The following PDE4D variants were observed in gnomAD, a reference collection of about 807,000 sequenced individuals.
PDE4D encodes the protein phosphodiesterase 4D.
A neutral mutation model predicts 87.4 loss-of-function variants in PDE4D; 24 were observed. That is an observed-to-expected ratio of 0.27 (90% CI 0.20 to 0.39). The LOEUF (loss-of-function observed/expected upper bound fraction) is 0.39, where lower values mean the gene tolerates loss of function less well. PDE4D is among the 10% of genes least tolerant of loss of function. The pLI is 1.00. For synonymous variants in PDE4D, 384 were observed against 383.2 expected (o/e 1.00, Z -0.02); for missense variants, 714 against 1,041.0 (o/e 0.69, Z 4.32).
At chr5:60,273,698 A>G in intron 1 of PDE4D, among the ~76,000 whole-genome samples, 1 of 152,208 alleles carries the variant, frequency 6.6e-6, no homozygotes, top group East Asian at 1.9e-4. Flanking sequence ...CCTAACAACA[A>G]GTTCCATTTG....
intron 1 of PDE4D, among the ~76,000 whole-genome samples, chr5:59,440,974 C>G (rs59152084): frequency 6.6e-6 from 1 of 151,830 alleles, no homozygotes; most frequent in African/African-American, 2.4e-5. Context: ...ATTTAAATAT[C>G]GAAAATTTAA....
At chr5:60,308,457 T>C (rs1174782304) in intron 1 of PDE4D, among the ~76,000 whole-genome samples, 1 of 152,228 alleles carries the variant, frequency 6.6e-6, no homozygotes, top group East Asian at 1.9e-4. Context: ...CTAACGTTGC[T>C]GTAGACATTT....
intron 2 of PDE4D, among the ~76,000 whole-genome samples, chr5:60,177,827 G>A (rs1287909577): frequency 2.0e-5 from 3 of 152,072 alleles, no homozygotes; most frequent in Admixed American, 6.6e-5. Flanking sequence ...GTCATGTAAC[G>A]GTAAGAATTT....
At chr5:59,149,706 G>GTTTTT (rs76421367) in intron 5 of PDE4D, among the ~76,000 whole-genome samples, 1,294 of 69,240 alleles carry the variant, frequency 0.019, 223 homozygotes, top group African/African-American at 0.057. Flanking sequence ...CTCTCCTCGA[G>GTTTTT]TTTTTTTTTT....
chr5:59,001,552 T>C (rs1434616058), intron 6 of PDE4D, among the ~76,000 whole-genome samples: 1 of 152,222 alleles, frequency 6.6e-6, no homozygotes, highest in Non-Finnish European at 1.5e-5. Context: ...AGAGGAATAC[T>C]AAGGTCCTCC....
chr5:59,473,082 T>TAAAAAAAAA (rs1802709349), intron 1 of PDE4D, among the ~76,000 whole-genome samples: 1 of 62,546 alleles, frequency 1.6e-5, no homozygotes, highest in Non-Finnish European at 2.7e-5. Context: ...TGCTTTCTCA[T>TAAAAAAAAA]GAAAAAAAAA....
At chr5:60,173,476 A>C (rs559653582) in intron 2 of PDE4D, among the ~76,000 whole-genome samples, 69 of 152,230 alleles carry the variant, frequency 4.5e-4, no homozygotes, top group Non-Finnish European at 8.5e-4. Flanking sequence ...TATAATAAAT[A>C]ATCTAACATT....
rs543798050 is a variant in PDE4D at position 60,284,879 on chromosome 5, T to C, written c.-89-99192A>G. Among the ~76,000 whole-genome samples, 3 of 143,830 alleles carry C rather than the reference T, an allele frequency of 2.1e-5. No homozygotes were observed. The South Asian group carries it at 6.5e-4, about 31-fold the overall frequency. 94.4% of individuals were successfully genotyped at this position (143,830 alleles called of 152,430 possible). A position where few individuals can be genotyped will look rare whatever the true frequency, so the allele number is the denominator to read the frequency against. ...ATAAATGGCAACACTTAAATGCACATAGTTGGCTACTCTTTTGATGTAGAG... is the reference window on the plus strand; with the variant it reads ...ATAAATGGCAACACTTAAATGCACACAGTTGGCTACTCTTTTGATGTAGAG... On this transcript the variant is annotated intron_variant, in intron 1 of 16. Coordinates refer to the PDE4D transcript ENST00000502484.
intron 1 of PDE4D, among the ~76,000 whole-genome samples, chr5:60,346,668 G>A (rs1271285699): frequency 6.6e-6 from 1 of 152,066 alleles, no homozygotes. Context: ...GCCACTAATT[G>A]TGGGGTCTGA....
intron 6 of PDE4D, among the ~76,000 whole-genome samples, chr5:59,029,416 C>CAAAAA (rs34120574): frequency 3.6e-4 from 31 of 86,808 alleles, no homozygotes; most frequent in African/African-American, 4.8e-4. Context: ...GACTCCATCA[C>CAAAAA]AAAAAAAAAA....
intron 1 of PDE4D, among the ~76,000 whole-genome samples, chr5:60,469,149 G>A (rs59313902): frequency 0.13 from 20,423 of 152,064 alleles, 2,657 homozygotes; most frequent in African/African-American, 0.33. Context: ...CCAAGCCAAT[G>A]AACCATTCTC....
chr5:59,496,169 T>G (rs1487146847), intron 1 of PDE4D, among the ~76,000 whole-genome samples: 2 of 152,110 alleles, frequency 1.3e-5, no homozygotes, highest in Non-Finnish European at 2.9e-5. Context: ...CTCCTATGAC[T>G]GCCACGACCA....
At chr5:60,237,846 A>T (rs953020308) in intron 1 of PDE4D, among the ~76,000 whole-genome samples, 2 of 152,012 alleles carry the variant, frequency 1.3e-5, no homozygotes, top group African/African-American at 2.4e-5. Flanking sequence ...GGTACACAGG[A>T]CATATCTGTA....
intron 1 of PDE4D, among the ~76,000 whole-genome samples, chr5:59,393,881 C>A (rs1002201479): frequency 6.6e-6 from 1 of 152,150 alleles, no homozygotes; most frequent in African/African-American, 2.4e-5. Flanking sequence ...CAGAAATAAT[C>A]TTTTTAATTA....
At chr5:59,692,998 T>G (rs1204431442) in intron 1 of PDE4D, among the ~76,000 whole-genome samples, 4 of 152,098 alleles carry the variant, frequency 2.6e-5, no homozygotes, top group Non-Finnish European at 5.9e-5. Context: ...TGTATTATAG[T>G]ATGAGCAAGA....
At chr5:59,900,592 T>C (rs929655261) in intron 3 of PDE4D, among the ~76,000 whole-genome samples, 4 of 152,120 alleles carry the variant, frequency 2.6e-5, no homozygotes, top group Non-Finnish European at 5.9e-5. Flanking sequence ...TGAGTAGATA[T>C]TACCAAATCC....
intron 1 of PDE4D, among the ~76,000 whole-genome samples, chr5:59,409,952 T>C (rs1251874007): frequency 2.0e-5 from 3 of 152,182 alleles, no homozygotes. Flanking sequence ...GAGTACATAG[T>C]AAGTATATGA....
intron 1 of PDE4D, among the ~76,000 whole-genome samples, chr5:59,609,968 G>C (rs927598827): frequency 6.6e-6 from 1 of 152,164 alleles, no homozygotes; most frequent in Non-Finnish European, 1.5e-5. Context: ...CAGCACAGCT[G>C]TTGGCTTCCC....
At chr5:59,171,537 C>T (rs536386839) in intron 5 of PDE4D, among the ~76,000 whole-genome samples, 51 of 152,182 alleles carry the variant, frequency 3.4e-4, no homozygotes, top group African/African-American at 1.2e-3. Flanking sequence ...TTTCCTTAAT[C>T]TACCTCTGGA....
Sources: gnomAD v4.1 joint callset for allele counts (sites outside exome capture counted in the v4.1 genomes callset) on GRCh38, gnomAD v4.1.1 for gene constraint, MANE v1.5 for transcripts, NCBI Gene and HGNC (gene_info 2026-07-23, HGNC 2026-07-21) for gene names.